The following CORO1C variants were observed in gnomAD, a reference collection of about 807,000 sequenced individuals.
The protein encoded by CORO1C is coronin 1C.
Under a neutral mutation model 51.2 loss-of-function variants are expected in CORO1C, and 14 were observed. The ratio of observed to expected loss-of-function variants is 0.27; its 90% confidence interval spans 0.18 to 0.43. The LOEUF (loss-of-function observed/expected upper bound fraction) is 0.43. Ranked by LOEUF, CORO1C falls within the 20% of genes least tolerant of loss-of-function variation. CORO1C has a pLI of 1.00. For missense variants in CORO1C, 417 were observed against 607.8 expected, an observed-to-expected ratio of 0.69 and a Z score of 3.30; for synonymous variants, 181 against 210.5, an observed-to-expected ratio of 0.86 and a Z score of 1.21.
intron 3 of CORO1C, among the ~76,000 whole-genome samples, chr12:108,671,347 G>C (rs1829321408): frequency 1.3e-5 from 2 of 151,772 alleles, no homozygotes; most frequent in African/African-American, 4.8e-5. Context: ...AAAAGGAGTG[G>C]GGGGAGGAAA....
intron 1 of CORO1C, among the ~76,000 whole-genome samples, chr12:108,708,525 A>G (rs1219860258): frequency 1.3e-5 from 2 of 150,728 alleles, no homozygotes; most frequent in African/African-American, 4.9e-5. Context: ...GCAATGGCTC[A>G]AACTCGGCTC....
At chr12:108,714,298 A>T (rs1198355638) in intron 1 of CORO1C, among the ~76,000 whole-genome samples, 2 of 150,106 alleles carry the variant, frequency 1.3e-5, no homozygotes, top group African/African-American at 4.9e-5. Context: ...CTGAGGCAGG[A>T]GAATTGCTTG....
At chr12:108,679,036 G>A (rs542047530) in intron 2 of CORO1C, among the ~76,000 whole-genome samples, 26 of 148,138 alleles carry the variant, frequency 1.8e-4, no homozygotes, top group Non-Finnish European at 3.1e-4. Flanking sequence ...GCTTGAACCC[G>A]GTAGGCAGAG....
chr12:108,684,713 G>A (rs1445616860), intron 2 of CORO1C, among the ~76,000 whole-genome samples: 1 of 151,996 alleles, frequency 6.6e-6, no homozygotes, highest in Non-Finnish European at 1.5e-5. Flanking sequence ...TTTTCAAAAA[G>A]GGGAGATATG....
chr12:108,666,347 T>C (rs183769596), intron 3 of CORO1C, among the ~76,000 whole-genome samples: 69 of 152,086 alleles, frequency 4.5e-4, no homozygotes, highest in Middle Eastern at 3.4e-3. Flanking sequence ...GTCTCTGAAA[T>C]GAAATAAGAA....
chr12:108,695,277 AGT>A (rs1381831732), intron 2 of CORO1C, among the ~76,000 whole-genome samples: 2 of 152,246 alleles, frequency 1.3e-5, no homozygotes, highest in Non-Finnish European at 2.9e-5. Context: ...TTTATGACCT[AGT>A]CTCAGAATTC....
intron 1 of CORO1C, among the ~76,000 whole-genome samples, chr12:108,716,182 T>A (rs1412309532): frequency 6.7e-6 from 1 of 149,426 alleles, no homozygotes; most frequent in African/African-American, 2.4e-5. Flanking sequence ...TTCTAAACAT[T>A]CTTTCTATAT....
At position 108,701,332 on chromosome 12, in the gene CORO1C, G is replaced by C. The variant is rs1428989165; in HGVS notation, c.-5-9C>G. 1 of 1,614,112 alleles carries C rather than the reference G, an allele frequency of 6.2e-7. No homozygotes were observed. The highest frequency in any genetic ancestry group is 1.3e-5 in the African/African-American group (1 of 75,026). ...CACTCGCCTCATCGTGTCTGCAAAG[G>C]AAGAGTGAGAATTATGTTAGAATTA... On this transcript the variant is annotated splice_polypyrimidine_tract_variant and intron_variant, in intron 1 of 10. Transcript: ENST00000261401.
chr12:108,692,736 T>C (rs1330132180), intron 2 of CORO1C, among the ~76,000 whole-genome samples: 3 of 151,946 alleles, frequency 2.0e-5, no homozygotes, highest in African/African-American at 7.3e-5. Context: ...GTTTTTGTTA[T>C]TAAACTCTCT....
At chr12:108,702,423 A>G (rs1361892101) in intron 1 of CORO1C, among the ~76,000 whole-genome samples, 1 of 152,178 alleles carries the variant, frequency 6.6e-6, no homozygotes, top group Non-Finnish European at 1.5e-5. Context: ...TTCAGACTCC[A>G]AATTCGACTA....
intron 1 of CORO1C, among the ~76,000 whole-genome samples, chr12:108,718,000 C>T (rs570012921): frequency 6.6e-6 from 1 of 151,386 alleles, no homozygotes; most frequent in African/African-American, 2.4e-5. Flanking sequence ...GGTGGATCAC[C>T]TGAGGTAAGG....
intron 2 of CORO1C, among the ~76,000 whole-genome samples, chr12:108,696,852 T>G (rs983755976): frequency 2.0e-5 from 3 of 152,248 alleles, no homozygotes; most frequent in Non-Finnish European, 4.4e-5. Flanking sequence ...GACTGAGGAC[T>G]TTCTATATTC....
At chr12:108,694,028 C>T (rs1054923180) in intron 2 of CORO1C, among the ~76,000 whole-genome samples, 2 of 152,124 alleles carry the variant, frequency 1.3e-5, no homozygotes, top group Non-Finnish European at 2.9e-5. Flanking sequence ...GGTGTGGTGG[C>T]TCACGCCTGT....
intron 1 of CORO1C, among the ~76,000 whole-genome samples, chr12:108,727,687 G>C (rs1226220616): frequency 6.6e-6 from 1 of 152,116 alleles, no homozygotes; most frequent in Non-Finnish European, 1.5e-5. Flanking sequence ...AAAATATTGA[G>C]GAGGGTGTGG....
chr12:108,670,890 C>T (rs2033689448), intron 3 of CORO1C, among the ~76,000 whole-genome samples: 1 of 151,238 alleles, frequency 6.6e-6, no homozygotes, highest in Admixed American at 6.6e-5. Flanking sequence ...AAGTGACAGA[C>T]ATCAAGAAAA....
Position 108,678,353 on chromosome 12 carries a change from G to A in CORO1C, c.237C>T (p.His79=), listed in dbSNP as rs755938010. 3.1e-6 allele frequency: 5 copies of A among 1,606,228 alleles called. No individual in the cohort carries two copies. The highest frequency in any genetic ancestry group is 3.4e-6 in the Non-Finnish European group (4 of 1,176,124). ...IDKSYPTVCG[H]TGPVLDIDWC... Reference sequence around the variant, plus strand: ...AGTCTATGTCCAGCACTGGTCCTGTGTGGCCACATACTGTAGGGTAAGATT... The same window carrying A: ...AGTCTATGTCCAGCACTGGTCCTGTATGGCCACATACTGTAGGGTAAGATT... The change falls in exon 3 of 11, where the codon CAC becomes CAT. Residue 79 remains histidine (H), a synonymous_variant. Transcript: ENST00000261401.
chr12:108,649,108 C>A (rs2032524499), intron 8 of CORO1C, 88 bp from the exon 9 acceptor site: 2 of 1,480,098 alleles, frequency 1.4e-6, no homozygotes, highest in South Asian at 2.3e-5. Flanking sequence ...ACAATGCTGT[C>A]TGAAATGTCA....
intron 3 of CORO1C, among the ~76,000 whole-genome samples, chr12:108,665,579 CCAGAGTCAGG>C (rs567910319): frequency 1.1e-3 from 167 of 152,200 alleles, no homozygotes; most frequent in African/African-American, 3.8e-3. Flanking sequence ...AGAGTGAGCA[CCAGAGTCAGG>C]CAGAGTCTGG....
At position 108,701,177 on chromosome 12, in the gene CORO1C, T is replaced by C. The variant is rs1189989304; in HGVS notation, c.142A>G (p.Ile48Val). Reference sequence around the variant, plus strand: ...CCTCCCCCACTTGCCTCTATGATTATGGCAACAAATCTGGGATTGACAGCA... The same window carrying C: ...CCTCCCCCACTTGCCTCTATGATTACGGCAACAAATCTGGGATTGACAGCA... ...FCAVNPRFVA[I>V]IIEASGGGAF... is the part of the protein sequence containing the mutation. The change falls in exon 2 of 11, where the codon ATA becomes GTA. Residue 48 changes from isoleucine to valine, a missense_variant. Transcript: ENST00000261401. 6.2e-7 allele frequency: 1 copy of C among 1,614,198 alleles called. No homozygotes were observed. Among genetic ancestry groups the C allele is most frequent in the Non-Finnish European group, 8.5e-7 (1 of 1,180,036 alleles).
Sources: gnomAD v4.1 joint callset for allele counts (sites outside exome capture counted in the v4.1 genomes callset) on GRCh38, gnomAD v4.1.1 for gene constraint, MANE v1.5 for transcripts, NCBI Gene and HGNC (gene_info 2026-07-23, HGNC 2026-07-21) for gene names.